The following AFMID variants were observed in gnomAD, a reference collection of about 807,000 sequenced individuals.
AFMID encodes kynurenine formamidase.
Under a neutral mutation model 47.5 loss-of-function variants are expected in AFMID, and 39 were observed. The observed-to-expected ratio is 0.82, with a 90% CI of 0.64 to 1.07. The LOEUF is 1.07. Ranked by LOEUF, AFMID falls within the 50% of genes least tolerant of loss-of-function variation. The pLI, the probability that AFMID is intolerant of heterozygous loss-of-function variation, is 0.00. For synonymous variants in AFMID, 130 were observed against 153.2 expected, an observed-to-expected ratio of 0.85 and a Z score of 1.12; for missense variants, 375 against 387.5, an observed-to-expected ratio of 0.97 and a Z score of 0.27.
chr17:78,190,917 C>T (rs1225709046), intron 1 of AFMID, 53 bp from the exon 2 acceptor site: 9 of 1,539,942 alleles, frequency 5.8e-6, no homozygotes, highest in Non-Finnish European at 8.0e-6. Context: ...GGGGGAGGGG[C>T]ACACTCTGTT....
At chr17:78,194,990 G>T (rs2076074145) in intron 2 of AFMID, among the ~76,000 whole-genome samples, 1 of 151,612 alleles carries the variant, frequency 6.6e-6, no homozygotes. Context: ...CACCGTACCC[G>T]GCCCAAAAAA....
In AFMID at chr17:78,202,431, A is replaced by T; in HGVS notation, c.155-68A>T. On this transcript the variant is annotated intron_variant, in intron 2 of 10. Coordinates refer to ENST00000409257, the MANE Select transcript of AFMID (RefSeq NM_001010982.5). ...GCAACAGAGTGAGACTTCGTCTCAAAAAAAAGAAAAGAAAAATTTCTACCA... is the reference window on the plus strand; with the variant it reads ...GCAACAGAGTGAGACTTCGTCTCAATAAAAAGAAAAGAAAAATTTCTACCA... 3.3e-6 allele frequency: 5 copies of T among 1,530,684 alleles called. No individual in the cohort carries two copies. In the South Asian group the frequency reaches 5.7e-5, roughly 17 times the overall value. 94.8% of individuals were successfully genotyped at this position (1,530,684 alleles called of 1,614,324 possible).
intron 2 of AFMID, among the ~76,000 whole-genome samples, chr17:78,199,620 G>C (rs924641397): frequency 6.6e-6 from 1 of 152,000 alleles, no homozygotes; most frequent in Non-Finnish European, 1.5e-5. Context: ...TGGTCCACCC[G>C]CCTCGGCCTC....
intron 2 of AFMID, chr17:78,197,270 G>A: frequency 6.9e-7 from 1 of 1,455,124 alleles, no homozygotes; most frequent in Non-Finnish European, 9.4e-7. Context: ...ATGGATGGCA[G>A]CCGGCAATGG....
At position 78,207,273 on chromosome 17, in the gene AFMID, C is replaced by CTT. The variant is rs1163959276; in HGVS notation, c.*363_*364dup. Reference sequence around the variant, plus strand: ...ACGCTCAAAAGTAATGCCATTACTTCTTTTTTTTTTTTTTTTTTTTTTTTT... The same window carrying CTT: ...ACGCTCAAAAGTAATGCCATTACTTCTTTTTTTTTTTTTTTTTTTTTTTTTTT... On this transcript the variant is annotated 3_prime_UTR_variant, in exon 11 of 11. Transcript: ENST00000409257. The CTT allele has an allele frequency of 0.013, 1,109 of 85,380 alleles. 124 individuals are homozygous for CTT. Among genetic ancestry groups the CTT allele is most frequent in the African/African-American group, 0.028 (425 of 15,006 alleles). 5.3% of individuals were successfully genotyped at this position (85,380 alleles called of 1,614,324 possible). A position where few individuals can be genotyped will look rare whatever the true frequency, so the allele number is the denominator to read the frequency against.
intron 2 of AFMID, among the ~76,000 whole-genome samples, chr17:78,195,610 C>A (rs951176938): frequency 6.6e-6 from 1 of 151,306 alleles, no homozygotes; most frequent in African/African-American, 2.4e-5. Flanking sequence ...TCAAGCAGTT[C>A]TCCTGCCTTG....
chr17:78,205,485 A>G lies in AFMID; in HGVS notation c.611A>G (p.Tyr204Cys), dbSNP rs746535072. 2.5e-6 allele frequency: 4 copies of G among 1,614,042 alleles called. No homozygotes were observed. The East Asian group carries it at 6.7e-5, about 27-fold the overall frequency. ...GTCTTTGACCTGGAGCCCATCGTGT[A>G]TACTTCACAGAACGTTGCTCTCCAG... ...SGVFDLEPIV[Y>C]TSQNVALQLT... Residue 204 changes from tyrosine to cysteine, a missense_variant, in exon 8 of 11, where the codon TAT (tyrosine) becomes TGT (cysteine). Coordinates refer to ENST00000409257, the MANE Select transcript of AFMID (RefSeq NM_001010982.5).
At chr17:78,193,239 C>T (rs879498534) in intron 2 of AFMID, among the ~76,000 whole-genome samples, 3 of 151,664 alleles carry the variant, frequency 2.0e-5, no homozygotes, top group African/African-American at 4.8e-5. Context: ...GGCATGGTGG[C>T]GGGCGCCTCT....
rs896905336 is a variant in AFMID at position 78,196,496 on chromosome 17, C to T, written c.154+5436C>T. 1.3e-4 allele frequency among the ~76,000 whole-genome samples: 20 copies of T among 152,170 alleles called. 1 individual carries two copies. The highest frequency in any genetic ancestry group is 3.3e-4 in the Admixed American group (5 of 15,270). On this transcript the variant is annotated intron_variant, in intron 2 of 10. Coordinates refer to ENST00000409257, the MANE Select transcript of AFMID (RefSeq NM_001010982.5). Reference sequence around the variant, plus strand: ...GAGTTGGAGACCAGCCTGGCCAACACGACAAAACACCTTCTCTACTGAAAA... The same window carrying T: ...GAGTTGGAGACCAGCCTGGCCAACATGACAAAACACCTTCTCTACTGAAAA...
intron 2 of AFMID, chr17:78,192,888 C>G (rs2076009411): frequency 3.6e-6 from 1 of 276,428 alleles, no homozygotes; most frequent in Non-Finnish European, 7.4e-6. Context: ...TGGTGGTTTT[C>G]TAAGCGGAGA....
intron 2 of AFMID, among the ~76,000 whole-genome samples, chr17:78,202,276 A>AT (rs1567852236): frequency 7.8e-4 from 116 of 149,414 alleles, no homozygotes; most frequent in East Asian, 2.2e-3. Flanking sequence ...TATATATATA[A>AT]AAATTAGCTG....
In AFMID at chr17:78,191,009, C is replaced by G; in HGVS notation, c.103C>G (p.Arg35Gly). Residue 35 changes from arginine to glycine, a missense_variant, in exon 2 of 11, where the codon CGA becomes GGA. Physicochemically the swap from Arg to Gly is moderately radical, Grantham distance 125 (BLOSUM62 -2). Coordinates refer to ENST00000409257, the MANE Select transcript of AFMID (RefSeq NM_001010982.5). ...NQYCPSRWVVRLGAEEALRTY... is the reference protein window; with the variant it reads ...NQYCPSRWVVGLGAEEALRTY... ...GTACTGTCCCAGCCGATGGGTTGTC[C>G]GACTGGGAGCAGAGGAAGCCTTGAG... is the stretch of plus-strand genomic sequence containing the variant. 1 of 1,613,980 alleles carries G rather than the reference C, an allele frequency of 6.2e-7. No individual in the cohort carries two copies. The highest frequency in any genetic ancestry group is 1.7e-4 in the Middle Eastern group (1 of 6,044).
At chr17:78,199,093 G>A (rs1468824636) in intron 2 of AFMID, among the ~76,000 whole-genome samples, 7 of 152,274 alleles carry the variant, frequency 4.6e-5, no homozygotes, top group Non-Finnish European at 8.8e-5. Flanking sequence ...GCAGGGGCAA[G>A]TGGTTGGTAA....
rs2076370075 is a variant in AFMID at position 78,205,966 on chromosome 17, G to A, written c.801G>A (p.Trp267Ter). The A allele has an allele frequency of 6.2e-7, 1 of 1,614,048 alleles. No homozygotes were observed. Among genetic ancestry groups the A allele is most frequent in the East Asian group, 2.2e-5 (1 of 44,864 alleles). ...EFYQTLCQGE[W>*]KASFEELHDV... The stretch of plus-strand genomic sequence containing the variant: ...CCCAGACCCTGTGTCAAGGAGAGTG[G>A]AAAGCCTCATTTGAAGAGCTCCACG... Residue 267 changes from tryptophan (W) to a stop codon, truncating the protein, a stop_gained, in exon 10 of 11, where the codon TGG (tryptophan) becomes TGA (stop). Transcript: ENST00000409257. LOFTEE classifies it high-confidence loss of function.
At chr17:78,196,916 T>G (rs937049309) in intron 2 of AFMID, among the ~76,000 whole-genome samples, 32 of 152,052 alleles carry the variant, frequency 2.1e-4, no homozygotes, top group African/African-American at 7.2e-5. Context: ...GGGCCCTCTG[T>G]GGGGGGCATG....
In AFMID at chr17:78,187,764, C is replaced by T. The variant is rs531294987; in HGVS notation, c.63+331C>T. Among the ~76,000 whole-genome samples, 21 of 151,988 alleles carry T rather than the reference C, an allele frequency of 1.4e-4. No individual in the cohort carries two copies. The East Asian group carries it at 3.3e-3, about 24-fold the overall frequency. ...GTCAGGAGTTCGAGACCAGCCTGGC[C>T]AACATGGTGAAACCCCGTTTCTACT... On this transcript the variant is annotated intron_variant, in intron 1 of 10. Coordinates refer to ENST00000409257, the MANE Select transcript of AFMID (RefSeq NM_001010982.5).
chr17:78,194,120 T>C (rs1326611659), intron 2 of AFMID, among the ~76,000 whole-genome samples: 4 of 151,554 alleles, frequency 2.6e-5, no homozygotes, highest in Admixed American at 2.6e-4. Context: ...GTTTTTTTTT[T>C]TTTTCTTTGA....
At chr17:78,192,991 G>C (rs906972256) in intron 2 of AFMID, among the ~76,000 whole-genome samples, 3 of 152,064 alleles carry the variant, frequency 2.0e-5, no homozygotes, top group African/African-American at 7.2e-5. Flanking sequence ...CTGTTTCCTG[G>C]GCTCTTCATG....
At chr17:78,193,335 C>A (rs1351854236) in intron 2 of AFMID, among the ~76,000 whole-genome samples, 1 of 136,400 alleles carries the variant, frequency 7.3e-6, no homozygotes, top group African/African-American at 2.8e-5. Flanking sequence ...CGCGCCACTG[C>A]ACTCCAGCCT....
Sources: allele counts gnomAD v4.1 joint callset (sites outside exome capture counted in the v4.1 genomes callset), GRCh38; gene constraint gnomAD v4.1.1; transcripts MANE v1.5; gene names NCBI Gene and HGNC (gene_info 2026-07-23, HGNC 2026-07-21).